RNF220: variants seen among roughly 807,000 people sequenced by gnomAD.
RNF220 encodes the protein E3 ubiquitin-protein ligase RNF220.
In RNF220, 7 loss-of-function variants were observed where a neutral mutation model predicts 67.1. The ratio of observed to expected loss-of-function variants is 0.10; its 90% CI spans 0.06 to 0.20. The LOEUF is 0.20. Among genes scored for constraint, RNF220 ranks in the 10% least tolerant of loss-of-function variants. The pLI is 1.00. For missense variants in RNF220, 565 were observed against 740.3 expected (o/e 0.76, Z 2.75); for synonymous variants, 270 against 283.2 (o/e 0.95, Z 0.47).
At chr1:44,617,798 G>A (rs1316213091) in intron 3 of RNF220, among the ~76,000 whole-genome samples, 2 of 152,192 alleles carry the variant, frequency 1.3e-5, no homozygotes, top group East Asian at 1.9e-4. Flanking sequence ...GGTCCTAGCA[G>A]AGCCCACATC....
intron 2 of RNF220, among the ~76,000 whole-genome samples, chr1:44,415,052 A>T (rs958824893): frequency 6.8e-6 from 1 of 147,126 alleles, no homozygotes; most frequent in Non-Finnish European, 1.5e-5. Context: ...CACATCCCTC[A>T]CTGGGTCATA....
rs528002786 is a variant in RNF220 at position 44,416,640 on chromosome 1, C to T, written c.625+3918C>T. 1.2e-3 allele frequency among the ~76,000 whole-genome samples: 188 copies of T among 152,364 alleles called. 3 individuals are homozygous for T. The South Asian group carries it at 0.038, about 31-fold the overall frequency. On this transcript the variant is annotated intron_variant, in intron 2 of 14. Coordinates refer to ENST00000361799, the MANE Select transcript of RNF220 (RefSeq NM_018150.4). ...ACCACAGGGCTGAGAGGGCCCAGAA[C>T]TGCCCGCGTGGAGCGGCGACTGGCC... is the stretch of plus-strand genomic sequence containing the variant.
chr1:44,511,769 A>G (rs1659014092), intron 2 of RNF220, among the ~76,000 whole-genome samples: 1 of 152,232 alleles, frequency 6.6e-6, no homozygotes, highest in Non-Finnish European at 1.5e-5. Context: ...GAGGCTGGAG[A>G]AGTGAAACGG....
chr1:44,412,665 T>C lies in RNF220; in HGVS notation c.568T>C (p.Ser190Pro). Residue 190 changes from serine to proline, a missense_variant, in exon 2 of 15, where the codon TCT becomes CCT. Ser to Pro is a moderately conservative substitution (Grantham distance 74, BLOSUM62 -1). Transcript: ENST00000361799. This position sits in a 1 kb window ranked among gnomAD's most constrained non-coding sequence, Gnocchi z 5.3. The part of the protein sequence containing the change: ...DDTGKKIFAV[S>P]GLISDREASS... The stretch of plus-strand genomic sequence containing the variant: ...CACTGGGAAGAAGATTTTTGCTGTC[T>C]CTGGCCTCATTTCTGATCGGGAAGC... The C allele has an allele frequency of 6.2e-7, 1 of 1,614,192 alleles. No individual in the cohort carries two copies. Among genetic ancestry groups the C allele is most frequent in the East Asian group, 2.2e-5 (1 of 44,890 alleles).
chr1:44,416,219 C>T (rs542618141), intron 2 of RNF220, among the ~76,000 whole-genome samples: 1 of 152,352 alleles, frequency 6.6e-6, no homozygotes, highest in South Asian at 2.1e-4. Flanking sequence ...AGGAAGGAGA[C>T]TGAGGTAACT....
Position 44,614,146 on chromosome 1 carries a change from G to C in RNF220, c.626-19G>C. 6.2e-7 allele frequency: 1 copy of C among 1,614,004 alleles called. No individual in the cohort carries two copies. Among genetic ancestry groups the C allele is most frequent in the East Asian group, 2.2e-5 (1 of 44,878 alleles). Reference sequence around the variant, plus strand: ...ACTAGCCCAGCTTACGCGTCTGTCTGTTCTTCTCCCCTCACTAGGTAAGAA... The same window carrying C: ...ACTAGCCCAGCTTACGCGTCTGTCTCTTCTTCTCCCCTCACTAGGTAAGAA... On this transcript the variant is annotated intron_variant, in intron 2 of 14. Transcript: ENST00000361799.
chr1:44,635,448 C>T, intron 6 of RNF220, 97 bp from the exon 7 acceptor site: 1 of 1,528,956 alleles, frequency 6.5e-7, no homozygotes, highest in Non-Finnish European at 8.8e-7. Flanking sequence ...AGGCCAATGG[C>T]TGGCAAGAGG....
chr1:44,625,423 G>A (rs767384419), intron 4 of RNF220, among the ~76,000 whole-genome samples: 40 of 152,220 alleles, frequency 2.6e-4, no homozygotes, highest in South Asian at 2.1e-4. Flanking sequence ...AGGCTCAGCC[G>A]GAGATGAAGG....
rs368053898 is a variant in RNF220 at position 44,649,857 on chromosome 1, C to T, written c.1555-26C>T. The T allele has an allele frequency of 9.3e-6, 15 of 1,613,702 alleles. No homozygotes were observed. Among genetic ancestry groups the T allele is most frequent in the Admixed American group, 1.7e-5 (1 of 59,984 alleles). ...AGAGGGTGGGCCTACCTCAGAGTGA[C>T]CCCTTCTCTGCCCCCTCCTCCCTAG... is the stretch of plus-strand genomic sequence containing the variant. On this transcript the variant is annotated intron_variant, in intron 13 of 14. Coordinates refer to ENST00000361799, the MANE Select transcript of RNF220 (RefSeq NM_018150.4). This position sits in a 1 kb window ranked among gnomAD's most constrained non-coding sequence, Gnocchi z 5.9.
At chr1:44,546,133 G>A (rs940337852) in intron 2 of RNF220, among the ~76,000 whole-genome samples, 1 of 152,148 alleles carries the variant, frequency 6.6e-6, no homozygotes, top group Non-Finnish European at 1.5e-5. Context: ...AAGCACCCGA[G>A]ATGACTCACA....
chr1:44,412,025 C>T lies in RNF220; in HGVS notation c.-73C>T, dbSNP rs1167794237. On this transcript the variant is annotated 5_prime_UTR_variant, in exon 2 of 15. Coordinates refer to ENST00000361799, the MANE Select transcript of RNF220 (RefSeq NM_018150.4). This position sits in a 1 kb window ranked among gnomAD's most constrained non-coding sequence, Gnocchi z 5.3. The stretch of plus-strand genomic sequence containing the variant: ...CCCCAGTAATATTCCCTGCCCTGAC[C>T]CAAAGTGCTGGTTGGCCTCCCTCCC... 16 of 1,528,556 alleles carry T rather than the reference C, an allele frequency of 1.0e-5. No individual in the cohort carries two copies. The East Asian group carries it at 3.4e-4, about 32-fold the overall frequency. 94.7% of individuals were successfully genotyped at this position (1,528,556 alleles called of 1,614,324 possible). A position where few individuals can be genotyped will look rare whatever the true frequency, so the allele number is the denominator to read the frequency against.
At chr1:44,455,593 G>C (rs969660100) in intron 2 of RNF220, among the ~76,000 whole-genome samples, 1 of 152,144 alleles carries the variant, frequency 6.6e-6, no homozygotes, top group Non-Finnish European at 1.5e-5. Flanking sequence ...TTTTAAGTAG[G>C]TTATAAGAAA....
intron 2 of RNF220, among the ~76,000 whole-genome samples, chr1:44,579,103 C>T (rs1252023051): frequency 6.6e-6 from 1 of 151,552 alleles, no homozygotes; most frequent in African/African-American, 2.4e-5. Flanking sequence ...TTGTAGTGAG[C>T]CGAGATCACG....
intron 2 of RNF220, among the ~76,000 whole-genome samples, chr1:44,530,496 CA>C (rs1660750467): frequency 7.0e-6 from 1 of 142,888 alleles, no homozygotes; most frequent in South Asian, 2.2e-4. Context: ...ACAAAATCAA[CA>C]TTGTGATAAT....
chr1:44,547,348 C>G (rs1167948060), intron 2 of RNF220, among the ~76,000 whole-genome samples: 1 of 152,230 alleles, frequency 6.6e-6, no homozygotes, highest in African/African-American at 2.4e-5. Context: ...ACAGTCCTTA[C>G]CTCTTTGGTG....
At chr1:44,580,095 G>C (rs909392993) in intron 2 of RNF220, among the ~76,000 whole-genome samples, 6 of 122,196 alleles carry the variant, frequency 4.9e-5, no homozygotes, top group Non-Finnish European at 8.7e-5. Flanking sequence ...AAAAGAAAAA[G>C]AAAGAAAGAA....
rs34244024 is a variant in RNF220 at position 44,431,500 on chromosome 1, C to CAAA, written c.625+18796_625+18798dup. 1.2e-3 allele frequency among the ~76,000 whole-genome samples: 108 copies of CAAA among 90,436 alleles called. No homozygotes were observed. In the East Asian group the frequency reaches 0.026, roughly 22 times the overall value. The allele number at this position is 90,436 out of a possible 152,430, so 59.3% of individuals were successfully genotyped here. ...GAGCAAGACTTCATCGACTTCATCTCAAAAAAAAAAAAAAAAAAAAGAAGT... is the reference window on the plus strand; with the variant it reads ...GAGCAAGACTTCATCGACTTCATCTCAAAAAAAAAAAAAAAAAAAAAAAGAAGT... On this transcript the variant is annotated intron_variant, in intron 2 of 14. Transcript: ENST00000361799.
At chr1:44,598,155 G>T (rs2148391375) in intron 2 of RNF220, among the ~76,000 whole-genome samples, 1 of 147,610 alleles carries the variant, frequency 6.8e-6, no homozygotes, top group East Asian at 1.9e-4. Flanking sequence ...GGACTTTCCT[G>T]CCTGGTGATG....
At chr1:44,483,132 T>C (rs1655984595) in intron 2 of RNF220, among the ~76,000 whole-genome samples, 1 of 152,052 alleles carries the variant, frequency 6.6e-6, no homozygotes, top group African/African-American at 2.4e-5. Flanking sequence ...GGTCTTGCTT[T>C]GTTGCCCAGG....
Sources: gnomAD v4.1 joint callset for allele counts (sites outside exome capture counted in the v4.1 genomes callset) on GRCh38, gnomAD v4.1.1 for gene constraint, Gnocchi (gnomAD v3.1) non-coding constraint, MANE v1.5 for transcripts, NCBI Gene and HGNC (gene_info 2026-07-23, HGNC 2026-07-21) for gene names.